Variants in SEMA4D observed in about 807,000 individuals in gnomAD.
SEMA4D encodes semaphorin 4D, also known as semaphorin-4D.
In SEMA4D, 22 loss-of-function variants were observed where a neutral mutation model predicts 74.8. The ratio of observed to expected loss-of-function variants is 0.29; its 90% CI spans 0.21 to 0.42. The LOEUF (loss-of-function observed/expected upper bound fraction) is 0.42, where lower values mean the gene tolerates loss of function less well. Ranked by LOEUF, SEMA4D falls within the 10% of genes least tolerant of loss-of-function variation. SEMA4D has a pLI of 1.00. For synonymous variants in SEMA4D, 445 were observed against 463.7 expected (o/e 0.96, Z 0.52); for missense variants, 937 against 1,118.4 (o/e 0.84, Z 2.31).
Position 89,412,959 on chromosome 9 carries a change from A to G in SEMA4D, c.-243-7260T>C, listed in dbSNP as rs545249661. On this transcript the variant is annotated intron_variant, in intron 2 of 15. Coordinates refer to ENST00000422704, the MANE Select transcript of SEMA4D (RefSeq NM_001371194.2). The stretch of plus-strand genomic sequence containing the variant: ...AGTTCTTTCAGAACAGTGGCTCCAT[A>G]ATCATTGATGGGTGTTACATTAAGG... Among the ~76,000 whole-genome samples the G allele has an allele frequency of 3.3e-5, 5 of 152,298 alleles. No homozygotes were observed. In the East Asian group the frequency reaches 7.7e-4, roughly 24 times the overall value.
chr9:89,398,857 C>T (rs796948735), intron 5 of SEMA4D, among the ~76,000 whole-genome samples: 5 of 152,276 alleles, frequency 3.3e-5, no homozygotes, highest in African/African-American at 1.2e-4. Flanking sequence ...TGTCGCAAGT[C>T]CAACGAAGGG....
chr9:89,418,423 T>C (rs1846166238), intron 2 of SEMA4D: 1 of 985,334 alleles, frequency 1.0e-6, no homozygotes, highest in Non-Finnish European at 1.2e-6. Context: ...AATAAGCCAT[T>C]CCAGTTAGCA....
At chr9:89,477,384 A>G (rs1044621638) in intron 1 of SEMA4D, among the ~76,000 whole-genome samples, 1 of 152,160 alleles carries the variant, frequency 6.6e-6, no homozygotes, top group African/African-American at 2.4e-5. Context: ...CACCATTCAC[A>G]GGGGCCATCA....
At chr9:89,406,637 C>G (rs1843382029) in intron 2 of SEMA4D, among the ~76,000 whole-genome samples, 2 of 152,222 alleles carry the variant, frequency 1.3e-5, no homozygotes, top group Admixed American at 1.3e-4. Context: ...ATGAGAATGT[C>G]CTGAGCTGGG....
chr9:89,476,821 G>A (rs919773521), intron 1 of SEMA4D, among the ~76,000 whole-genome samples: 3 of 152,148 alleles, frequency 2.0e-5, no homozygotes, highest in African/African-American at 4.8e-5. Flanking sequence ...ACCTGACTGC[G>A]GAAGGAAGCC....
intron 2 of SEMA4D, among the ~76,000 whole-genome samples, chr9:89,442,560 C>T (rs563918245): frequency 6.6e-6 from 1 of 152,270 alleles, no homozygotes; most frequent in African/African-American, 2.4e-5. Flanking sequence ...AAACCATCTG[C>T]CTGGCCGGGG....
chr9:89,428,857 T>G (rs965423573), intron 2 of SEMA4D, among the ~76,000 whole-genome samples: 1 of 152,176 alleles, frequency 6.6e-6, no homozygotes, highest in East Asian at 1.9e-4. Flanking sequence ...ATCTCCACCT[T>G]GTCAGCAGCC....
intron 2 of SEMA4D, chr9:89,450,686 A>AAAAAAAAAAAAAAAAAAAAC: frequency 3.2e-6 from 3 of 945,100 alleles, no homozygotes; most frequent in Non-Finnish European, 4.8e-6. Flanking sequence ...AAAAAAAAAA[A>AAAAAAAAAAAAAAAAAAAAC]AGGCCTCCAA....
chr9:89,444,515 A>G (rs1212885678), intron 2 of SEMA4D, among the ~76,000 whole-genome samples: 2 of 152,200 alleles, frequency 1.3e-5, no homozygotes, highest in African/African-American at 4.8e-5. Flanking sequence ...CCCAGTTTAC[A>G]TGAGACCCTA....
At chr9:89,489,266 G>A (rs1588198960) in intron 1 of SEMA4D, among the ~76,000 whole-genome samples, 2 of 152,212 alleles carry the variant, frequency 1.3e-5, no homozygotes, top group Admixed American at 1.3e-4. Context: ...TCCACTTGTA[G>A]GTAGTTACGC....
rs1163308287 is a variant in SEMA4D, at chr9:89,495,575, C to A, written c.-310+2344G>T. Among the ~76,000 whole-genome samples, 193 of 152,344 alleles carry A rather than the reference C, an allele frequency of 1.3e-3. 1 individual carries two copies. The highest frequency in any genetic ancestry group is 2.6e-4 in the Non-Finnish European group (18 of 68,030). On this transcript the variant is annotated intron_variant, in intron 1 of 15. Transcript: ENST00000422704. The stretch of plus-strand genomic sequence containing the variant: ...GCCACCTCCCTTCTCACCTTCTAGT[C>A]TTCTTCCTGGAATTGTCCAAGTTCA...
intron 1 of SEMA4D, among the ~76,000 whole-genome samples, chr9:89,459,188 T>C (rs1856678818): frequency 6.6e-6 from 1 of 152,228 alleles, no homozygotes; most frequent in African/African-American, 2.4e-5. Flanking sequence ...GCAGAACCCC[T>C]GGCAAGGATC....
At chr9:89,446,251 G>A (rs532336651) in intron 2 of SEMA4D, among the ~76,000 whole-genome samples, 2 of 152,172 alleles carry the variant, frequency 1.3e-5, no homozygotes, top group Non-Finnish European at 1.5e-5. Context: ...AAGAACACTT[G>A]TGAGTGCATT....
At chr9:89,374,533 T>C (rs1260462667), downstream of SEMA4D, among the ~76,000 whole-genome samples, 2 of 152,210 alleles carry the variant, frequency 1.3e-5, no homozygotes, top group East Asian at 3.8e-4. Flanking sequence ...TGCCCATGGC[T>C]GATAATGGAA....
intron 2 of SEMA4D, among the ~76,000 whole-genome samples, chr9:89,415,987 T>TA (rs751368063): frequency 2.0e-5 from 3 of 152,262 alleles, no homozygotes; most frequent in Non-Finnish European, 4.4e-5. Context: ...AGTTTTGCTT[T>TA]AAGTGGACTT....
chr9:89,380,815 G>T (rs868109844), intron 15 of SEMA4D, among the ~76,000 whole-genome samples: 3 of 152,182 alleles, frequency 2.0e-5, no homozygotes, highest in Non-Finnish European at 4.4e-5. Context: ...AAGAAAACAG[G>T]ATGGTTTTGG....
intron 5 of SEMA4D, among the ~76,000 whole-genome samples, chr9:89,398,205 C>T (rs1841420703): frequency 6.6e-6 from 1 of 152,018 alleles, no homozygotes; most frequent in Non-Finnish European, 1.5e-5. Context: ...CGAAACTACC[C>T]ACAGCCCACC....
In SEMA4D at chr9:89,418,024, GA is replaced by G. The variant is rs895845907; in HGVS notation, c.-243-12326del. On this transcript the variant is annotated intron_variant, in intron 2 of 15. Transcript: ENST00000422704. ...TACACATTATCAACTCTGCTCAACTGAAATTACAGATCATGAATAAAGTGGT... is the reference window on the plus strand; with the variant it reads ...TACACATTATCAACTCTGCTCAACTGAATTACAGATCATGAATAAAGTGGT... 49 of 938,770 alleles carry G rather than the reference GA, an allele frequency of 5.2e-5. No individual in the cohort carries two copies. The African/African-American group carries it at 7.3e-4, about 14-fold the overall frequency. 58.2% of individuals were successfully genotyped at this position (938,770 alleles called of 1,614,324 possible). A position where few individuals can be genotyped will look rare whatever the true frequency, so the allele number is the denominator to read the frequency against.
intron 1 of SEMA4D, among the ~76,000 whole-genome samples, chr9:89,459,386 C>T (rs1472617129): frequency 6.6e-6 from 1 of 152,186 alleles, no homozygotes; most frequent in African/African-American, 2.4e-5. Flanking sequence ...TCAGTGAATG[C>T]TTTTTGCTTC....
Sources: allele counts gnomAD v4.1 joint callset (sites outside exome capture counted in the v4.1 genomes callset), GRCh38; gene constraint gnomAD v4.1.1; transcripts MANE v1.5; gene names NCBI Gene and HGNC (gene_info 2026-07-23, HGNC 2026-07-21).